EFNA5: variants seen among roughly 807,000 people sequenced by gnomAD.
The protein encoded by EFNA5 is ephrin-A5.
A neutral mutation model predicts 22.9 loss-of-function variants in EFNA5; 5 were observed. The observed-to-expected ratio is 0.22, with a 90% CI of 0.11 to 0.46. The LOEUF is 0.46. EFNA5 is among the 20% of genes least tolerant of loss of function. The pLI is 0.99. For missense variants in EFNA5, 237 were observed against 293.3 expected (o/e 0.81, Z 1.40); for synonymous variants, 113 against 112.2 (o/e 1.01, Z -0.04).
At position 107,511,002 on chromosome 5, in the gene EFNA5, TTGTGTG is replaced by T. The variant is rs71644591; in HGVS notation, c.126-83499_126-83494del. Among the ~76,000 whole-genome samples the T allele has an allele frequency of 4.3e-3, 610 of 140,396 alleles. 5 individuals carry two copies. The highest frequency in any genetic ancestry group is 0.017 in the South Asian group (72 of 4,312). The allele number at this position is 140,396 out of a possible 152,430, so 92.1% of individuals were successfully genotyped here. On this transcript the variant is annotated intron_variant, in intron 1 of 4. Transcript: ENST00000333274. Reference sequence around the variant, plus strand: ...CATAGTTGCATTTCTTTCTTTTTCTTTGTGTGTGTGTGTGTGTGTGTGTGTGTGTGT... The same window carrying T: ...CATAGTTGCATTTCTTTCTTTTTCTTTGTGTGTGTGTGTGTGTGTGTGTGT...
chr5:107,663,654 CT>C (rs922211811), intron 1 of EFNA5, among the ~76,000 whole-genome samples: 1 of 152,054 alleles, frequency 6.6e-6, no homozygotes, highest in African/African-American at 2.4e-5. Context: ...CTGTACTTGA[CT>C]TTTTAAAAGT....
intron 1 of EFNA5, among the ~76,000 whole-genome samples, chr5:107,482,944 G>A (rs1366638667): frequency 6.9e-6 from 1 of 145,086 alleles, no homozygotes; most frequent in Non-Finnish European, 1.5e-5. Context: ...GACACTAACA[G>A]AAAAATAAAT....
At chr5:107,409,906 G>A (rs1208036109) in intron 2 of EFNA5, among the ~76,000 whole-genome samples, 1 of 151,768 alleles carries the variant, frequency 6.6e-6, no homozygotes, top group Non-Finnish European at 1.5e-5. Flanking sequence ...CAGAAGTTTT[G>A]TTCTCACATT....
chr5:107,492,329 C>T (rs1746829571), intron 1 of EFNA5, among the ~76,000 whole-genome samples: 1 of 152,144 alleles, frequency 6.6e-6, no homozygotes, highest in African/African-American at 2.4e-5. Context: ...CACCTGGACA[C>T]TGTTAAGAAA....
At chr5:107,498,457 A>G (rs1017431917) in intron 1 of EFNA5, among the ~76,000 whole-genome samples, 22 of 152,118 alleles carry the variant, frequency 1.4e-4, no homozygotes, top group Admixed American at 9.8e-4. Context: ...TAATCCACTT[A>G]CTTTCTACTC....
intron 1 of EFNA5, among the ~76,000 whole-genome samples, chr5:107,617,560 G>A (rs922593073): frequency 6.6e-5 from 10 of 152,108 alleles, no homozygotes; most frequent in South Asian, 2.1e-4. Context: ...ACAATGAAGC[G>A]GGAAAGTAAG....
At chr5:107,493,261 T>C (rs922787267) in intron 1 of EFNA5, among the ~76,000 whole-genome samples, 2 of 151,918 alleles carry the variant, frequency 1.3e-5, no homozygotes, top group Non-Finnish European at 2.9e-5. Context: ...AAATAGGAGA[T>C]AAAGACCAAT....
chr5:107,531,412 C>A (rs1316841781), intron 1 of EFNA5, among the ~76,000 whole-genome samples: 1 of 152,108 alleles, frequency 6.6e-6, no homozygotes, highest in Non-Finnish European at 1.5e-5. Context: ...GGTGAGGCTG[C>A]CGAAGGCAGG....
At chr5:107,648,805 C>T (rs1399250885) in intron 1 of EFNA5, among the ~76,000 whole-genome samples, 1 of 151,938 alleles carries the variant, frequency 6.6e-6, no homozygotes. Context: ...AAAAAAAATC[C>T]TTTTAATAAA....
intron 1 of EFNA5, among the ~76,000 whole-genome samples, chr5:107,461,939 A>T (rs924096670): frequency 6.6e-6 from 1 of 152,184 alleles, no homozygotes; most frequent in African/African-American, 2.4e-5. Flanking sequence ...AGGGCCCCGA[A>T]AGCAGCCCGG....
At chr5:107,395,034 C>CTTTTTTTTTTGTTTTTTTTTTTTTTTT (rs1747884100) in intron 2 of EFNA5, among the ~76,000 whole-genome samples, 1 of 86,142 alleles carries the variant, frequency 1.2e-5, no homozygotes, top group Admixed American at 1.7e-4. Flanking sequence ...ATTTCTAGTT[C>CTTTTTTTTTTGTTTTTTTTTTTTTTTT]TTTTTTTTTT....
intron 1 of EFNA5, among the ~76,000 whole-genome samples, chr5:107,445,236 T>C (rs1315257187): frequency 6.6e-6 from 1 of 152,144 alleles, no homozygotes; most frequent in East Asian, 1.9e-4. Flanking sequence ...TTGGTCAGGC[T>C]GGTCTTGAAC....
chr5:107,479,581 CTGGTG>C (rs1037204597), intron 1 of EFNA5, among the ~76,000 whole-genome samples: 3 of 152,180 alleles, frequency 2.0e-5, no homozygotes, highest in Non-Finnish European at 2.9e-5. Flanking sequence ...CTCATTGCCA[CTGGTG>C]TTCATGAACA....
chr5:107,550,316 A>G (rs538776956), intron 1 of EFNA5, among the ~76,000 whole-genome samples: 3 of 152,252 alleles, frequency 2.0e-5, no homozygotes, highest in Non-Finnish European at 4.4e-5. Flanking sequence ...ATTGAATCAT[A>G]TAATACTAAT....
At chr5:107,651,922 T>C (rs1750744023) in intron 1 of EFNA5, among the ~76,000 whole-genome samples, 1 of 152,286 alleles carries the variant, frequency 6.6e-6, no homozygotes, top group East Asian at 1.9e-4. Flanking sequence ...CTAATACATA[T>C]TAAGACCCTG....
chr5:107,572,546 C>T (rs1262921669), intron 1 of EFNA5, among the ~76,000 whole-genome samples: 13 of 152,188 alleles, frequency 8.5e-5, no homozygotes, highest in Admixed American at 7.9e-4. Flanking sequence ...TGCTTGACTA[C>T]TGGAGAAAAT....
rs143004332 is a variant in EFNA5 at position 107,460,963 on chromosome 5, C to T, written c.126-33454G>A. Among the ~76,000 whole-genome samples, 796 of 152,208 alleles carry T rather than the reference C, an allele frequency of 5.2e-3. 7 individuals carry two copies. Among genetic ancestry groups the T allele is most frequent in the African/African-American group, 0.018 (731 of 41,542 alleles). The stretch of plus-strand genomic sequence containing the variant: ...TCATTCCACATCTATCATGCAAATA[C>T]GGTGGGTGTAGCTATCAAAACCAAA... On this transcript the variant is annotated intron_variant, in intron 1 of 4. Transcript: ENST00000333274.
intron 1 of EFNA5, among the ~76,000 whole-genome samples, chr5:107,582,083 T>G (rs1749084756): frequency 6.6e-6 from 1 of 152,196 alleles, no homozygotes; most frequent in Non-Finnish European, 1.5e-5. Context: ...CAGTCGTATA[T>G]AAGTGAAAGA....
At chr5:107,605,398 T>C (rs1175003371) in intron 1 of EFNA5, among the ~76,000 whole-genome samples, 1 of 152,090 alleles carries the variant, frequency 6.6e-6, no homozygotes, top group Admixed American at 6.5e-5. Flanking sequence ...CAATCTTCTT[T>C]TATCTAAACA....
Sources: allele counts gnomAD v4.1 joint callset (sites outside exome capture counted in the v4.1 genomes callset), GRCh38; gene constraint gnomAD v4.1.1; transcripts MANE v1.5; gene names NCBI Gene and HGNC (gene_info 2026-07-23, HGNC 2026-07-21).